FANCM: variants seen among roughly 807,000 people sequenced by gnomAD.
The protein encoded by FANCM is FA complementation group M.
Under a neutral mutation model 199.5 loss-of-function variants are expected in FANCM, and 140 were observed. The observed-to-expected ratio is 0.70, with a 90% CI of 0.61 to 0.81. The LOEUF is 0.81. FANCM is among the 30% of genes least tolerant of loss of function. FANCM has a pLI of 0.00. For missense variants in FANCM, 2,410 were observed against 2,421.4 expected (o/e 1.00, Z 0.10); for synonymous variants, 840 against 836.8 (o/e 1.00, Z -0.07).
At chr14:45,146,466 A>G (rs1445314346) in intron 3 of FANCM, among the ~76,000 whole-genome samples, 5 of 152,202 alleles carry the variant, frequency 3.3e-5, no homozygotes, top group African/African-American at 1.2e-4. Flanking sequence ...GCAAGCTGCA[A>G]GACTTTTTTC....
At chr14:45,138,144 T>G (rs567764635) in intron 2 of FANCM, among the ~76,000 whole-genome samples, 10 of 152,204 alleles carry the variant, frequency 6.6e-5, no homozygotes, top group Admixed American at 5.9e-4. Flanking sequence ...TTGATAGAAG[T>G]ATGGATCTTG....
Position 45,189,297 on chromosome 14 carries a change from A to G in FANCM, c.5275A>G (p.Thr1759Ala), listed in dbSNP as rs1889617054. The stretch of plus-strand genomic sequence containing the variant: ...TCAGAATCATAATGAAGTCCAGTCT[A>G]CCACACCACCCTTCACTACTGTTGA... ...KPQNHNEVQS[T>A]TPPFTTVDSQ... The change falls in exon 20 of 23, where the codon ACC (threonine) becomes GCC (alanine). Residue 1759 changes from threonine (T) to alanine (A), a missense_variant. Transcript: ENST00000267430. The G allele has an allele frequency of 1.2e-6, 2 of 1,613,840 alleles. No individual in the cohort carries two copies. The highest frequency in any genetic ancestry group is 1.7e-6 in the Non-Finnish European group (2 of 1,179,832).
At chr14:45,172,139 T>C (rs983104807) in intron 12 of FANCM, among the ~76,000 whole-genome samples, 44 of 152,188 alleles carry the variant, frequency 2.9e-4, no homozygotes, top group Non-Finnish European at 1.6e-4. Context: ...TATATGTTTA[T>C]TGGCCATTTG....
At chr14:45,196,144 A>G (rs1256275857) in intron 20 of FANCM, 28 bp from the exon 21 acceptor site, 1 of 1,613,692 alleles carries the variant, frequency 6.2e-7, no homozygotes, top group South Asian at 1.1e-5. Context: ...TTTAACCTGA[A>G]TGTGACCAGT....
In FANCM at chr14:45,163,619, A is replaced by G. The variant is rs1182816210; in HGVS notation, c.1582-740A>G. ...TATAAAAGGTAAGATATGACTTCTA[A>G]GAGTAATACAACATTCTTACAAATA... On this transcript the variant is annotated intron_variant, in intron 9 of 22. Coordinates refer to ENST00000267430, the MANE Select transcript of FANCM (RefSeq NM_020937.4). Among the ~76,000 whole-genome samples, 8 of 152,358 alleles carry G rather than the reference A, an allele frequency of 5.3e-5. No individual in the cohort carries two copies. In the East Asian group the frequency reaches 1.5e-3, roughly 29 times the overall value.
At position 45,185,275 on chromosome 14, in the gene FANCM, A is replaced by T. The variant is rs748721088; in HGVS notation, c.4574A>T (p.Tyr1525Phe). 2 of 1,602,410 alleles carry T rather than the reference A, an allele frequency of 1.2e-6. No individual in the cohort carries two copies. Among genetic ancestry groups the T allele is most frequent in the Non-Finnish European group, 1.7e-6 (2 of 1,170,706 alleles). The change falls in exon 18 of 23, where the codon TAT (tyrosine) becomes TTT (phenylalanine). Residue 1525 changes from tyrosine (Y) to phenylalanine (F), a missense_variant. Physicochemically the swap from Tyr to Phe is conservative, Grantham distance 22 (BLOSUM62 3). Transcript: ENST00000267430. ...GAACTTTCTGAAGAAGATGCAGAAT[A>T]TGTTTCATCAGATGAAAATGATGAG... ...EAELSEEDAE[Y>F]VSSDENDESE...
rs183972848 is a variant in FANCM, at chr14:45,160,567, C to T, written c.1581+1287C>T. ...CTTTTTTTTTTTCTTTTTTTTGAGA[C>T]GGAGTCTCGCTCTGTTGCCGAGGCT... On this transcript the variant is annotated intron_variant, in intron 9 of 22. Coordinates refer to ENST00000267430, the MANE Select transcript of FANCM (RefSeq NM_020937.4). 4.4e-3 allele frequency among the ~76,000 whole-genome samples: 647 copies of T among 145,700 alleles called. 7 individuals are homozygous for T. Among genetic ancestry groups the T allele is most frequent in the African/African-American group, 0.015 (599 of 39,352 alleles).
At chr14:45,199,061 T>C in intron 22 of FANCM, 126 bp downstream of exon 22, 1 of 716,608 alleles carries the variant, frequency 1.4e-6, no homozygotes, top group East Asian at 2.7e-5. Flanking sequence ...TCAGTAAACA[T>C]TTTTTGCCTG....
Position 45,176,992 on chromosome 14 carries a change from T to C in FANCM, c.4222+16T>C, listed in dbSNP as rs753893593. On this transcript the variant is annotated intron_variant, in intron 14 of 22. Transcript: ENST00000267430. ...TCTGTTGAAGGTAAGATTCCATCTT[T>C]ATAAAGTCTATAACTCTTTCTAGAA... 1 of 1,432,132 alleles carries C rather than the reference T, an allele frequency of 7.0e-7. No homozygotes were observed. The highest frequency in any genetic ancestry group is 1.7e-5 in the Admixed American group (1 of 59,680). The allele number at this position is 1,432,132 out of a possible 1,614,324, so 88.7% of individuals were successfully genotyped here.
In FANCM at chr14:45,141,219, C is replaced by T. The variant is rs528200924; in HGVS notation, c.759+510C>T. 1.2e-4 allele frequency among the ~76,000 whole-genome samples: 16 copies of T among 137,790 alleles called. No homozygotes were observed. In the South Asian group the frequency reaches 3.5e-3, roughly 30 times the overall value. The allele number at this position is 137,790 out of a possible 152,430, so 90.4% of individuals were successfully genotyped here. On this transcript the variant is annotated intron_variant, in intron 3 of 22. Transcript: ENST00000267430. ...AGGAGAATGGCGTGAACTCGGGAGG[C>T]GGAGCTTGCAATGAGCCAAGATCTA...
intron 20 of FANCM, among the ~76,000 whole-genome samples, chr14:45,194,483 A>C (rs895621329): frequency 6.6e-6 from 1 of 152,322 alleles, no homozygotes; most frequent in East Asian, 1.9e-4. Flanking sequence ...GATAAGTAGT[A>C]AAATACAATA....
chr14:45,183,692 GCT>G, intron 16 of FANCM, 80 bp from the exon 17 acceptor site: 1 of 880,450 alleles, frequency 1.1e-6, no homozygotes, highest in Non-Finnish European at 1.9e-6. Context: ...TTATAACATG[GCT>G]CTGAGTTGTA....
At chr14:45,145,332 C>G (rs1175986124) in intron 3 of FANCM, among the ~76,000 whole-genome samples, 4 of 151,988 alleles carry the variant, frequency 2.6e-5, no homozygotes, top group Non-Finnish European at 5.9e-5. Context: ...ACTGTCCCAC[C>G]TGGTGTCTCA....
At chr14:45,144,184 T>C (rs937440990) in intron 3 of FANCM, among the ~76,000 whole-genome samples, 2 of 152,158 alleles carry the variant, frequency 1.3e-5, no homozygotes, top group African/African-American at 4.8e-5. Flanking sequence ...TTTGTTACAA[T>C]CCAGTTATAC....
At chr14:45,192,047 AATTAAAT>A (rs1401891086) in intron 20 of FANCM, among the ~76,000 whole-genome samples, 9 of 152,038 alleles carry the variant, frequency 5.9e-5, no homozygotes. Flanking sequence ...CATTTTTAAA[AATTAAAT>A]ATTAAATATA....
chr14:45,141,612 G>A (rs1442878186), intron 3 of FANCM, among the ~76,000 whole-genome samples: 1 of 140,728 alleles, frequency 7.1e-6, no homozygotes, highest in Non-Finnish European at 1.5e-5. Context: ...TTTTTTTGAC[G>A]GAGTTTTGCT....
At chr14:45,158,977 A>T in intron 8 of FANCM, 119 bp from the exon 9 acceptor site, 1 of 691,786 alleles carries the variant, frequency 1.4e-6, no homozygotes. Flanking sequence ...CAGCTGAATT[A>T]TTTTTTTGAA....
At position 45,196,423 on chromosome 14, in the gene FANCM, AAGG is replaced by A; in HGVS notation, c.5596_5598del (p.Arg1866del). 1 of 1,614,164 alleles carries A rather than the reference AAGG, an allele frequency of 6.2e-7. No homozygotes were observed. The highest frequency in any genetic ancestry group is 8.5e-7 in the Non-Finnish European group (1 of 1,180,022). ...TCGTGAGTAATCGCATGGTGGTGGAAAGGAGGTCTCAATCTGAGATGTTAAATA... is the reference window on the plus strand; with the variant it reads ...TCGTGAGTAATCGCATGGTGGTGGAAAGGTCTCAATCTGAGATGTTAAATA... On this transcript the variant is annotated inframe_deletion, in exon 21 of 23. Transcript: ENST00000267430.
chr14:45,175,112 A>C lies in FANCM; in HGVS notation c.2358A>C (p.Gln786His), dbSNP rs367741599. 4.3e-6 allele frequency: 7 copies of C among 1,612,128 alleles called. No homozygotes were observed. In the African/African-American group the frequency reaches 8.0e-5, roughly 18 times the overall value. The change falls in exon 14 of 23, where the codon CAA becomes CAC. Residue 786 changes from glutamine (Q) to histidine (H), a missense_variant. By Grantham distance (24) the Gln-to-His change is conservative. Coordinates refer to ENST00000267430, the MANE Select transcript of FANCM (RefSeq NM_020937.4). ...AATTGGAAGTTGAATCTTATTTACAAATGGAAGATGTTACCTCAACATTTA... is the reference window on the plus strand; with the variant it reads ...AATTGGAAGTTGAATCTTATTTACACATGGAAGATGTTACCTCAACATTTA... The part of the protein sequence containing the change: ...SYELEVESYL[Q>H]MEDVTSTFIA...
Sources: gnomAD v4.1 joint callset for allele counts (sites outside exome capture counted in the v4.1 genomes callset) on GRCh38, gnomAD v4.1.1 for gene constraint, MANE v1.5 for transcripts, NCBI Gene and HGNC (gene_info 2026-07-23, HGNC 2026-07-21) for gene names.